RCBTB2: variants seen among roughly 807,000 people sequenced by gnomAD.
The protein encoded by RCBTB2 is RCC1 and BTB domain-containing protein 2.
RCBTB2 carries 55 observed loss-of-function variants against 65.4 expected under a neutral mutation model. The ratio of observed to expected loss-of-function variants is 0.84; its 90% CI spans 0.68 to 1.05. The LOEUF (loss-of-function observed/expected upper bound fraction) is 1.05, where lower values mean the gene tolerates loss of function less well. Among genes scored for constraint, RCBTB2 ranks in the 50% least tolerant of loss-of-function variants. The probability of loss-of-function intolerance (pLI) is 0.00; values close to 1 mark genes in which losing one functional copy is unlikely to be tolerated. For synonymous variants in RCBTB2, 220 were observed against 255.2 expected (o/e 0.86, Z 1.31); for missense variants, 599 against 680.1 (o/e 0.88, Z 1.33).
At chr13:48,516,967 T>G (rs1350090260) in intron 4 of RCBTB2, among the ~76,000 whole-genome samples, 1 of 152,188 alleles carries the variant, frequency 6.6e-6, no homozygotes, top group Admixed American at 6.5e-5. Context: ...CAACAAAGAT[T>G]TTCTAAGGCC....
Position 48,490,013 on chromosome 13 carries a change from CAT to C in RCBTB2, c.*96_*97del. The C allele has an allele frequency of 7.4e-7, 1 of 1,343,992 alleles. No individual in the cohort carries two copies. The highest frequency in any genetic ancestry group is 1.1e-6 in the Non-Finnish European group (1 of 941,744). The allele number at this position is 1,343,992 out of a possible 1,614,324, so 83.3% of individuals were successfully genotyped here. A position where few individuals can be genotyped will look rare whatever the true frequency, so the allele number is the denominator to read the frequency against. On this transcript the variant is annotated 3_prime_UTR_variant, in exon 15 of 15. Coordinates refer to ENST00000344532, the MANE Select transcript of RCBTB2 (RefSeq NM_001268.4). ...TGACAGTTACAAGTACTCAGCCAAA[CAT>C]AGCTCATCATACATACTATTAATTA...
At chr13:48,501,406 C>T (rs763656816) in intron 12 of RCBTB2, among the ~76,000 whole-genome samples, 43 of 152,250 alleles carry the variant, frequency 2.8e-4, no homozygotes, top group Non-Finnish European at 1.9e-4. Context: ...GAGCTTGATT[C>T]CCAGGCAGAA....
At chr13:48,502,703 A>C in intron 11 of RCBTB2, 21 bp downstream of exon 11, 3 of 1,589,940 alleles carry the variant, frequency 1.9e-6, no homozygotes, top group Non-Finnish European at 2.6e-6. Flanking sequence ...CCATCCCCCA[A>C]ATGGACAGTG....
At chr13:48,533,980 C>T (rs1173070603), upstream of RCBTB2, among the ~76,000 whole-genome samples, 1 of 152,184 alleles carries the variant, frequency 6.6e-6, no homozygotes, top group Non-Finnish European at 1.5e-5. Flanking sequence ...CCACAGTGAC[C>T]GTGTCAGTCT....
intron 10 of RCBTB2, among the ~76,000 whole-genome samples, chr13:48,504,924 T>C (rs1950418116): frequency 1.3e-5 from 2 of 152,130 alleles, no homozygotes; most frequent in Admixed American, 1.3e-4. Context: ...CTCACTGACT[T>C]ATTATGAGGA....
At chr13:48,507,081 G>C (rs2138502717) in intron 10 of RCBTB2, among the ~76,000 whole-genome samples, 1 of 152,372 alleles carries the variant, frequency 6.6e-6, no homozygotes, top group South Asian at 2.1e-4. Context: ...GGCTGGGACA[G>C]ACAGAGCCAA....
chr13:48,498,943 AAT>A (rs1188150528), intron 13 of RCBTB2, among the ~76,000 whole-genome samples: 5 of 151,902 alleles, frequency 3.3e-5, no homozygotes, highest in African/African-American at 1.2e-4. Flanking sequence ...ACCTCTTTAA[AAT>A]ATATCTAGAA....
At chr13:48,505,919 C>T (rs1256527557) in intron 10 of RCBTB2, among the ~76,000 whole-genome samples, 8 of 152,258 alleles carry the variant, frequency 5.3e-5, no homozygotes, top group Admixed American at 2.6e-4. Flanking sequence ...ACTGTGGGCC[C>T]GTGATTTAGC....
chr13:48,490,217 T>C lies in RCBTB2; in HGVS notation c.1550A>G (p.Asn517Ser). The C allele has an allele frequency of 1.2e-6, 2 of 1,613,734 alleles. No homozygotes were observed. The highest frequency in any genetic ancestry group is 1.7e-6 in the Non-Finnish European group (2 of 1,179,680). The change falls in exon 15 of 15, where the codon AAC (asparagine) becomes AGC (serine). Residue 517 changes from asparagine to serine, a missense_variant. Physicochemically the swap from Asn to Ser is conservative, Grantham distance 46. Transcript: ENST00000344532. ...TGTTTGTGTTACTACAGTCAGATGG[T>C]TTATGCAAAACCTGAAGCAGAATTC... ...LEEFCFRFCI[N>S]HLTVVTQTSG...
chr13:48,518,174 T>C (rs976334634), intron 4 of RCBTB2, among the ~76,000 whole-genome samples: 6 of 152,168 alleles, frequency 3.9e-5, no homozygotes, highest in Non-Finnish European at 7.3e-5. Flanking sequence ...GTTTGAATTG[T>C]AGTCATTTGT....
At chr13:48,516,624 C>T in intron 4 of RCBTB2, among the ~76,000 whole-genome samples, 1 of 152,166 alleles carries the variant, frequency 6.6e-6, no homozygotes, top group East Asian at 1.9e-4. Flanking sequence ...ATGACCTCAT[C>T]TTAACTAACC....
At chr13:48,496,394 C>CA in intron 13 of RCBTB2, 73 bp from the exon 14 acceptor site, 2 of 1,402,844 alleles carry the variant, frequency 1.4e-6, no homozygotes, top group South Asian at 1.5e-5. Context: ...CTCAGCCACT[C>CA]AGAGATGATT....
In RCBTB2 at chr13:48,515,260, T is replaced by C; in HGVS notation, c.294A>G (p.Lys98=). 1 of 1,614,162 alleles carries C rather than the reference T, an allele frequency of 6.2e-7. No homozygotes were observed. The part of the protein sequence containing the change: ...EPRRLDSLNG[K]KIACLSYGSG... ...TCCCATAGCTGAGGCAGGCTATTTT[T>C]TTGCCATTTAAAGAATCCAGTCTCC... Residue 98 remains lysine (K), a synonymous_variant, in exon 6 of 15, where the codon AAA becomes AAG. Coordinates refer to ENST00000344532, the MANE Select transcript of RCBTB2 (RefSeq NM_001268.4).
chr13:48,518,458 CA>C (rs58455074), intron 4 of RCBTB2, among the ~76,000 whole-genome samples: 4,873 of 98,264 alleles, frequency 0.05, 204 homozygotes, highest in African/African-American at 0.14. Flanking sequence ...GAGTACTTTG[CA>C]AAAAAAAAAA....
chr13:48,523,221 C>T (rs1036843989), intron 2 of RCBTB2, among the ~76,000 whole-genome samples: 1 of 152,138 alleles, frequency 6.6e-6, no homozygotes, highest in Admixed American at 6.6e-5. Context: ...CTGTTAAAAT[C>T]CTAATTTTCT....
chr13:48,501,811 T>C lies in RCBTB2; in HGVS notation c.1175A>G (p.Asp392Gly). Residue 392 changes from aspartate to glycine, a missense_variant, in exon 12 of 15, where the codon GAC (aspartate) becomes GGC (glycine). Coordinates refer to ENST00000344532, the MANE Select transcript of RCBTB2 (RefSeq NM_001268.4). The part of the protein sequence containing the change: ...ESLKREFDNP[D>G]TADLKFLVDG... ...AACTAGAAACTTCAGGTCTGCAGTG[T>C]CCGGGTTGTCAAATTCCCTCTTCAG... The C allele has an allele frequency of 6.2e-7, 1 of 1,613,736 alleles. No homozygotes were observed. The highest frequency in any genetic ancestry group is 2.2e-5 in the East Asian group (1 of 44,886).
chr13:48,503,774 C>A (rs557851383), intron 10 of RCBTB2, among the ~76,000 whole-genome samples: 2 of 152,182 alleles, frequency 1.3e-5, no homozygotes, highest in African/African-American at 4.8e-5. Flanking sequence ...GTCTTGAACT[C>A]CAGAGCTCAA....
rs139171322 is a variant in RCBTB2 at position 48,512,827 on chromosome 13, A to G, written c.418T>C (p.Leu140=). Residue 140 remains leucine (L), a synonymous_variant, in exon 7 of 15, where the codon TTA becomes CTA. Transcript: ENST00000344532. ...QLGNGTTNHG[L]VPCHISTNLS... ...TTAGTAGAGATATGACAGGGCACTA[A>G]ACCATGATTAGTTGTCCCATTGCCC... 14 of 1,613,876 alleles carry G rather than the reference A, an allele frequency of 8.7e-6. No individual in the cohort carries two copies. The African/African-American group carries it at 1.9e-4, about 22-fold the overall frequency.
chr13:48,533,174 A>C (rs1952280908), upstream of RCBTB2: 3 of 373,240 alleles, frequency 8.0e-6, no homozygotes, highest in Admixed American at 9.3e-5. Context: ...CCGAGACGGA[A>C]ACGAAGGGAG....
Sources: gnomAD v4.1 joint callset for allele counts (sites outside exome capture counted in the v4.1 genomes callset) on GRCh38, gnomAD v4.1.1 for gene constraint, MANE v1.5 for transcripts, NCBI Gene and HGNC (gene_info 2026-07-23, HGNC 2026-07-21) for gene names.